PCSK2: variants seen among roughly 807,000 people sequenced by gnomAD.
PCSK2 encodes the protein proprotein convertase subtilisin/kexin type 2.
PCSK2 carries 14 observed loss-of-function variants against 69.7 expected under a neutral mutation model. That is an observed-to-expected ratio of 0.20 (90% CI 0.13 to 0.31). The LOEUF (loss-of-function observed/expected upper bound fraction) is 0.31, where lower values mean the gene tolerates loss of function less well. Among genes scored for constraint, PCSK2 ranks in the 10% least tolerant of loss-of-function variants. The pLI is 1.00. For synonymous variants in PCSK2, 307 were observed against 320.7 expected, an observed-to-expected ratio of 0.96 and a Z score of 0.46; for missense variants, 544 against 842.5, an observed-to-expected ratio of 0.65 and a Z score of 4.39.
intron 1 of PCSK2, 25 bp downstream of exon 1, chr20:17,227,507 T>C: frequency 6.3e-7 from 1 of 1,599,584 alleles, no homozygotes; most frequent in Non-Finnish European, 8.6e-7. Flanking sequence ...GCATTTCGCA[T>C]GTTGTTTCAA....
chr20:17,474,413 C>T (rs2033256758), intron 11 of PCSK2, among the ~76,000 whole-genome samples: 1 of 152,134 alleles, frequency 6.6e-6, no homozygotes, highest in South Asian at 2.1e-4. Context: ...GTCCCTACTC[C>T]CACCTGTCTT....
At chr20:17,280,036 G>A (rs6136049) in intron 2 of PCSK2, among the ~76,000 whole-genome samples, 11,334 of 148,880 alleles carry the variant, frequency 0.076, 506 homozygotes, top group East Asian at 0.13. Flanking sequence ...TATATCCTCC[G>A]CAGAAGAAAA....
intron 1 of PCSK2, among the ~76,000 whole-genome samples, chr20:17,239,015 A>C (rs970919192): frequency 1.3e-5 from 2 of 152,244 alleles, no homozygotes. Flanking sequence ...GAGATGGTGC[A>C]ATCAGGAAAA....
intron 5 of PCSK2, among the ~76,000 whole-genome samples, chr20:17,400,319 C>T (rs1270096514): frequency 1.3e-5 from 2 of 152,126 alleles, no homozygotes; most frequent in Non-Finnish European, 2.9e-5. Flanking sequence ...CAAGATTGCA[C>T]ACTTAGGAGA....
intron 11 of PCSK2, chr20:17,479,521 C>T (rs1211387673): frequency 5.5e-6 from 2 of 366,852 alleles, no homozygotes; most frequent in Non-Finnish European, 1.0e-5. Context: ...ATCATACGGC[C>T]GGGCGCGGTG....
Position 17,322,215 on chromosome 20 carries a change from TCGAAGTTGGTCTTGCAAGGCAGGGCA to T in PCSK2, c.283-36110_283-36085del, listed in dbSNP as rs1989890702. 2.0e-5 allele frequency among the ~76,000 whole-genome samples: 3 copies of T among 152,184 alleles called. No homozygotes were observed. The South Asian group carries it at 6.2e-4, about 32-fold the overall frequency. On this transcript the variant is annotated intron_variant, in intron 2 of 11. Coordinates refer to ENST00000262545, the MANE Select transcript of PCSK2 (RefSeq NM_002594.5). Reference sequence around the variant, plus strand: ...GTTTTAGGGCCTGAGCTGGGTGATTTCGAAGTTGGTCTTGCAAGGCAGGGCACTTGTTGGGACTGGAAAAGTTTATG... The same window carrying T: ...GTTTTAGGGCCTGAGCTGGGTGATTTCTTGTTGGGACTGGAAAAGTTTATG...
At chr20:17,329,975 CATAATATG>C (rs1359801007) in intron 2 of PCSK2, among the ~76,000 whole-genome samples, 1 of 151,942 alleles carries the variant, frequency 6.6e-6, no homozygotes, top group Non-Finnish European at 1.5e-5. Context: ...CAACTGTGTA[CATAATATG>C]AAGTAGCCAC....
At chr20:17,318,396 G>A (rs1191433217) in intron 2 of PCSK2, among the ~76,000 whole-genome samples, 1 of 151,804 alleles carries the variant, frequency 6.6e-6, no homozygotes, top group East Asian at 1.9e-4. Flanking sequence ...TTGTCATCAC[G>A]TTTTTCATTT....
At chr20:17,420,440 C>G (rs2032097237) in intron 6 of PCSK2, among the ~76,000 whole-genome samples, 1 of 152,174 alleles carries the variant, frequency 6.6e-6, no homozygotes, top group South Asian at 2.1e-4. Context: ...TGTAACCAAC[C>G]CTTTCTACAT....
At chr20:17,346,068 C>G (rs1990644000) in intron 2 of PCSK2, among the ~76,000 whole-genome samples, 1 of 152,214 alleles carries the variant, frequency 6.6e-6, no homozygotes, top group South Asian at 2.1e-4. Flanking sequence ...AATGAGGCCC[C>G]CCTCCGGCAC....
intron 4 of PCSK2, among the ~76,000 whole-genome samples, chr20:17,367,320 A>G (rs2030623024): frequency 6.6e-6 from 1 of 152,232 alleles, no homozygotes; most frequent in Non-Finnish European, 1.5e-5. Context: ...GATGATAAGA[A>G]ATAGAATGTA....
intron 1 of PCSK2, among the ~76,000 whole-genome samples, chr20:17,250,504 A>G (rs1986934371): frequency 6.6e-6 from 1 of 152,126 alleles, no homozygotes; most frequent in Non-Finnish European, 1.5e-5. Flanking sequence ...CACTATAAAG[A>G]TACATTTCCC....
intron 6 of PCSK2, among the ~76,000 whole-genome samples, chr20:17,412,901 T>G (rs2031910679): frequency 6.6e-6 from 1 of 152,202 alleles, no homozygotes; most frequent in East Asian, 1.9e-4. Flanking sequence ...AAAAGAATTT[T>G]CAACCCAGAA....
intron 5 of PCSK2, among the ~76,000 whole-genome samples, chr20:17,402,827 G>T (rs1409221807): frequency 6.6e-6 from 1 of 151,762 alleles, no homozygotes; most frequent in Admixed American, 6.6e-5. Context: ...CGTGGTGGTG[G>T]GCTCCTGTAG....
intron 7 of PCSK2, among the ~76,000 whole-genome samples, chr20:17,431,268 G>A (rs527277310): frequency 2.0e-5 from 3 of 152,164 alleles, no homozygotes; most frequent in African/African-American, 7.2e-5. Context: ...CTAATGTGAG[G>A]AGGCTGCGGC....
At chr20:17,301,773 A>C (rs1197215681) in intron 2 of PCSK2, among the ~76,000 whole-genome samples, 1 of 152,132 alleles carries the variant, frequency 6.6e-6, no homozygotes, top group Admixed American at 6.5e-5. Flanking sequence ...TCTACTAAAA[A>C]TTCAAAAATT....
At chr20:17,435,136 A>G (rs537690101) in intron 7 of PCSK2, among the ~76,000 whole-genome samples, 1 of 152,330 alleles carries the variant, frequency 6.6e-6, no homozygotes, top group South Asian at 2.1e-4. Flanking sequence ...GGTTAATAGT[A>G]GAAGATGGAT....
At chr20:17,411,688 T>G (rs2031877189) in intron 6 of PCSK2, among the ~76,000 whole-genome samples, 1 of 152,216 alleles carries the variant, frequency 6.6e-6, no homozygotes, top group East Asian at 1.9e-4. Context: ...GCATTTGAGC[T>G]CTGAGAATGG....
intron 2 of PCSK2, among the ~76,000 whole-genome samples, chr20:17,355,032 C>G (rs1386201513): frequency 6.6e-6 from 1 of 152,208 alleles, no homozygotes; most frequent in Non-Finnish European, 1.5e-5. Context: ...CCTTCAGTCT[C>G]AAGACTCCTA....
Sources: gnomAD v4.1 joint callset for allele counts (sites outside exome capture counted in the v4.1 genomes callset) on GRCh38, gnomAD v4.1.1 for gene constraint, MANE v1.5 for transcripts, NCBI Gene and HGNC (gene_info 2026-07-23, HGNC 2026-07-21) for gene names.